The following MGAT4C variants were observed in gnomAD, a reference collection of about 807,000 sequenced individuals.
MGAT4C encodes the protein alpha-1,3-mannosyl-glycoprotein 4-beta-N-acetylglucosaminyltransferase C.
Under a neutral mutation model 40.1 loss-of-function variants are expected in MGAT4C, and 19 were observed. The ratio of observed to expected loss-of-function variants is 0.47; its 90% CI spans 0.33 to 0.70. The LOEUF (loss-of-function observed/expected upper bound fraction) is 0.70. MGAT4C is among the 30% of genes least tolerant of loss of function. The probability of loss-of-function intolerance (pLI) is 0.02; values close to 1 mark genes in which losing one functional copy is unlikely to be tolerated. For synonymous variants in MGAT4C, 181 were observed against 187.1 expected, an observed-to-expected ratio of 0.97 and a Z score of 0.27; for missense variants, 491 against 563.2, an observed-to-expected ratio of 0.87 and a Z score of 1.30.
rs1395235522 is a variant in MGAT4C, at chr12:85,978,941, T to C, written c.*348A>G. Reference sequence around the variant, plus strand: ...AATTATCAGTTCTTGAGGAAGTATATACAGTTGGTGACTATTTTTCAAAAA... The same window carrying C: ...AATTATCAGTTCTTGAGGAAGTATACACAGTTGGTGACTATTTTTCAAAAA... On this transcript the variant is annotated 3_prime_UTR_variant, in exon 5 of 5. Transcript: ENST00000611864. The C allele has an allele frequency of 1.2e-5, 2 of 171,342 alleles. No homozygotes were observed. Among genetic ancestry groups the C allele is most frequent in the Admixed American group, 5.8e-5 (1 of 17,314 alleles). The allele number at this position is 171,342 out of a possible 1,614,324, so 10.6% of individuals were successfully genotyped here.
intron 1 of MGAT4C, among the ~76,000 whole-genome samples, chr12:86,771,174 CT>C: frequency 6.6e-6 from 1 of 152,216 alleles, no homozygotes; most frequent in South Asian, 2.1e-4. Context: ...TCATGGGCCT[CT>C]GAATAAACCA....
intron 3 of MGAT4C, among the ~76,000 whole-genome samples, chr12:86,335,731 C>A (rs1265575788): frequency 6.6e-6 from 1 of 152,128 alleles, no homozygotes; most frequent in Non-Finnish European, 1.5e-5. Context: ...CATATAGTAA[C>A]TAGAATTTCT....
intron 2 of MGAT4C, among the ~76,000 whole-genome samples, chr12:85,991,094 C>A (rs1402405693): frequency 6.6e-6 from 1 of 152,154 alleles, no homozygotes; most frequent in Non-Finnish European, 1.5e-5. Context: ...AGTGTTAGAA[C>A]CACTCAGACA....
intron 3 of MGAT4C, among the ~76,000 whole-genome samples, chr12:86,348,320 A>C (rs773251002): frequency 6.6e-6 from 1 of 151,894 alleles, no homozygotes; most frequent in Non-Finnish European, 1.5e-5. Context: ...AATAGAATTC[A>C]TTTTTCTTTT....
intron 2 of MGAT4C, among the ~76,000 whole-genome samples, chr12:86,623,027 A>G (rs931043761): frequency 3.9e-5 from 6 of 152,182 alleles, no homozygotes; most frequent in African/African-American, 1.2e-4. Flanking sequence ...CAAATTAGAC[A>G]CTTCAGAACA....
chr12:86,401,737 A>C (rs1427265553), intron 3 of MGAT4C, among the ~76,000 whole-genome samples: 1 of 152,206 alleles, frequency 6.6e-6, no homozygotes, highest in Non-Finnish European at 1.5e-5. Context: ...CAGAGAAATA[A>C]AGTTTTTGGA....
At position 86,350,487 on chromosome 12, in the gene MGAT4C, G is replaced by A. The variant is rs565614200; in HGVS notation, c.-119-16360C>T. Among the ~76,000 whole-genome samples, 24 of 152,234 alleles carry A rather than the reference G, an allele frequency of 1.6e-4. No homozygotes were observed. The South Asian group carries it at 5.0e-3, about 32-fold the overall frequency. On this transcript the variant is annotated intron_variant, in intron 3 of 7. Coordinates refer to the MGAT4C transcript ENST00000548651. ...AATTTATTTTACAGAGCAAGCGTAA[G>A]CCTAGTGACAAAGCAAGAAAATGGA...
intron 1 of MGAT4C, among the ~76,000 whole-genome samples, chr12:86,768,095 C>G (rs1951550343): frequency 6.6e-6 from 1 of 152,162 alleles, no homozygotes; most frequent in Non-Finnish European, 1.5e-5. Flanking sequence ...TTGCAGATGA[C>G]ATGATTGTAT....
intron 3 of MGAT4C, among the ~76,000 whole-genome samples, chr12:86,392,716 T>C (rs990171453): frequency 6.6e-5 from 10 of 152,228 alleles, no homozygotes; most frequent in South Asian, 2.1e-4. Context: ...ATCTGACGTA[T>C]GCATTGCATA....
chr12:86,139,878 C>T (rs1882581203), intron 1 of MGAT4C, among the ~76,000 whole-genome samples: 2 of 152,160 alleles, frequency 1.3e-5, no homozygotes, highest in Admixed American at 6.5e-5. Flanking sequence ...AAGAGTCATC[C>T]ATTCCTCATC....
At chr12:86,003,175 T>C (rs2136783114) in intron 2 of MGAT4C, among the ~76,000 whole-genome samples, 1 of 152,272 alleles carries the variant, frequency 6.6e-6, no homozygotes, top group Admixed American at 6.5e-5. Flanking sequence ...TCTAAAACTC[T>C]CAGAAACTAA....
At chr12:86,067,263 G>A (rs1212163363) in intron 1 of MGAT4C, among the ~76,000 whole-genome samples, 1 of 152,186 alleles carries the variant, frequency 6.6e-6, no homozygotes, top group Non-Finnish European at 1.5e-5. Context: ...TCACACAAAT[G>A]TTTATTGTGG....
chr12:86,648,118 A>C (rs1035291724), intron 2 of MGAT4C, among the ~76,000 whole-genome samples: 10 of 151,916 alleles, frequency 6.6e-5, no homozygotes, highest in African/African-American at 2.4e-4. Flanking sequence ...AAGAAGGTTC[A>C]ATCTAGGTTT....
chr12:86,703,065 C>A (rs1000519834), intron 2 of MGAT4C, among the ~76,000 whole-genome samples: 1 of 152,072 alleles, frequency 6.6e-6, no homozygotes, highest in Non-Finnish European at 1.5e-5. Context: ...AGGAAGTAAT[C>A]GTGGATGTGG....
intron 2 of MGAT4C, among the ~76,000 whole-genome samples, chr12:86,466,165 C>T (rs926207943): frequency 2.7e-4 from 41 of 151,698 alleles, no homozygotes; most frequent in African/African-American, 9.5e-4. Context: ...GCAGAGATAG[C>T]GCCATTGCAC....
At chr12:86,417,678 T>C (rs1370445352) in intron 3 of MGAT4C, among the ~76,000 whole-genome samples, 2 of 152,132 alleles carry the variant, frequency 1.3e-5, no homozygotes, top group Non-Finnish European at 2.9e-5. Context: ...TTGAATGAGA[T>C]ATATTTATAG....
chr12:86,200,562 T>C lies in MGAT4C; in HGVS notation c.-57+55677A>G, dbSNP rs191200843. 3.3e-5 allele frequency among the ~76,000 whole-genome samples: 5 copies of C among 152,294 alleles called. No homozygotes were observed. In the East Asian group the frequency reaches 9.6e-4, roughly 29 times the overall value. On this transcript the variant is annotated intron_variant, in intron 1 of 4. Transcript: ENST00000611864. The stretch of plus-strand genomic sequence containing the variant: ...AGGCCTTCTAGTAGATAAAAGGCCA[T>C]AGTCATAGCTCATTGTAGTTTCAAT...
chr12:86,345,282 A>T (rs1955004285), intron 3 of MGAT4C, among the ~76,000 whole-genome samples: 1 of 151,000 alleles, frequency 6.6e-6, no homozygotes, highest in African/African-American at 2.4e-5. Context: ...TTTTATTTTT[A>T]TTATTATTAT....
chr12:86,329,269 C>A (rs951550613), intron 4 of MGAT4C, among the ~76,000 whole-genome samples: 1 of 150,314 alleles, frequency 6.7e-6, no homozygotes, highest in Non-Finnish European at 1.5e-5. Flanking sequence ...TTTGGCCGGG[C>A]GTGGTGGCTC....
Sources: allele counts gnomAD v4.1 joint callset (sites outside exome capture counted in the v4.1 genomes callset), GRCh38; gene constraint gnomAD v4.1.1; transcripts MANE v1.5; gene names NCBI Gene and HGNC (gene_info 2026-07-23, HGNC 2026-07-21).